The following LMNTD1 variants were observed in gnomAD, a reference collection of about 807,000 sequenced individuals.
LMNTD1 encodes lamin tail domain-containing protein 1.
A neutral mutation model predicts 50.9 loss-of-function variants in LMNTD1; 35 were observed. The observed-to-expected ratio is 0.69, with a 90% CI of 0.53 to 0.91. The LOEUF is 0.91. LMNTD1 is among the 40% of genes least tolerant of loss of function. The pLI, the probability that LMNTD1 is intolerant of heterozygous loss-of-function variation, is 0.00. For synonymous variants in LMNTD1, 153 were observed against 161.9 expected (o/e 0.94, Z 0.42); for missense variants, 470 against 475.5 (o/e 0.99, Z 0.11).
chr12:25,545,943 T>C (rs1943401294), intron 4 of LMNTD1, among the ~76,000 whole-genome samples: 2 of 151,688 alleles, frequency 1.3e-5, no homozygotes, highest in Admixed American at 1.3e-4. Context: ...ATATCAACTT[T>C]CTTCCTGATC....
At chr12:25,578,686 T>C (rs1179469604) in intron 1 of LMNTD1, among the ~76,000 whole-genome samples, 1 of 152,192 alleles carries the variant, frequency 6.6e-6, no homozygotes, top group East Asian at 1.9e-4. Context: ...TGAATTTTTA[T>C]GTGCAGCCTG....
chr12:25,483,267 T>C (rs1439506850), intron 9 of LMNTD1, among the ~76,000 whole-genome samples: 1 of 150,762 alleles, frequency 6.6e-6, no homozygotes, highest in Admixed American at 6.6e-5. Context: ...TCTAAAAAAA[T>C]ACAAAAATTA....
intron 9 of LMNTD1, among the ~76,000 whole-genome samples, chr12:25,495,415 T>A (rs933039165): frequency 6.6e-6 from 1 of 152,088 alleles, no homozygotes; most frequent in African/African-American, 2.4e-5. Context: ...ATGAATATTA[T>A]TAATGCTACT....
chr12:25,565,936 A>C (rs1944539723), intron 1 of LMNTD1, among the ~76,000 whole-genome samples: 1 of 152,124 alleles, frequency 6.6e-6, no homozygotes, highest in Non-Finnish European at 1.5e-5. Context: ...CCTGGCCTGT[A>C]ATGTTTCCAC....
At chr12:25,592,844 T>C (rs963138854) in intron 1 of LMNTD1, 3 of 152,248 alleles carry the variant, frequency 2.0e-5, no homozygotes. Context: ...GTTCGCCCAC[T>C]GCCTGAAAAC....
chr12:25,591,613 C>A (rs774471771), intron 1 of LMNTD1, among the ~76,000 whole-genome samples: 33 of 152,264 alleles, frequency 2.2e-4, no homozygotes, highest in South Asian at 4.1e-4. Flanking sequence ...AGGACACAGG[C>A]CTGGCTGGCC....
intron 1 of LMNTD1, among the ~76,000 whole-genome samples, chr12:25,591,721 C>T (rs986360994): frequency 6.6e-6 from 1 of 151,556 alleles, no homozygotes; most frequent in Admixed American, 6.6e-5. Flanking sequence ...CAGCTGTGTA[C>T]TGGCTTCAGG....
intron 6 of LMNTD1, among the ~76,000 whole-genome samples, chr12:25,520,992 C>T (rs184566904): frequency 1.4e-3 from 211 of 152,220 alleles, no homozygotes; most frequent in African/African-American, 4.9e-3. Context: ...TATCTGTTGG[C>T]CATTTTTTAA....
intron 1 of LMNTD1, among the ~76,000 whole-genome samples, chr12:25,612,174 T>C (rs1303480749): frequency 6.6e-6 from 1 of 152,038 alleles, no homozygotes; most frequent in East Asian, 1.9e-4. Context: ...GATAGCAAAA[T>C]TAAATTTTTT....
chr12:25,620,521 A>G (rs953435102), intron 1 of LMNTD1, among the ~76,000 whole-genome samples: 12 of 152,152 alleles, frequency 7.9e-5, no homozygotes, highest in African/African-American at 2.4e-4. Flanking sequence ...CTTTTCTTCA[A>G]CAAGATAGGA....
Position 25,535,580 on chromosome 12 carries a change from A to G in LMNTD1, c.492-8625T>C, listed in dbSNP as rs187753605. Among the ~76,000 whole-genome samples, 3 of 152,258 alleles carry G rather than the reference A, an allele frequency of 2.0e-5. No homozygotes were observed. In the East Asian group the frequency reaches 5.8e-4, roughly 29 times the overall value. The stretch of plus-strand genomic sequence containing the variant: ...CATCTTAAAAGCAGAATATTTGTGC[A>G]GAGGAGCAAATACAAAAATGAAAGA... On this transcript the variant is annotated intron_variant, in intron 4 of 9. Coordinates refer to ENST00000458174, the MANE Select transcript of LMNTD1 (RefSeq NM_001145728.2).
chr12:25,550,451 C>T (rs1240853781), intron 2 of LMNTD1, among the ~76,000 whole-genome samples: 1 of 152,156 alleles, frequency 6.6e-6, no homozygotes, highest in Non-Finnish European at 1.5e-5. Flanking sequence ...CAAAATCCTC[C>T]AATCCAAACC....
At chr12:25,501,979 G>A (rs959500681) in intron 9 of LMNTD1, among the ~76,000 whole-genome samples, 6 of 152,142 alleles carry the variant, frequency 3.9e-5, no homozygotes, top group African/African-American at 1.4e-4. Context: ...GGAGCTCTGA[G>A]AAAACAGAAG....
Position 25,498,537 on chromosome 12 carries a change from G to A in LMNTD1, c.*22+5201C>T, listed in dbSNP as rs190498610. Among the ~76,000 whole-genome samples the A allele has an allele frequency of 1.1e-4, 16 of 152,262 alleles. No individual in the cohort carries two copies. In the East Asian group the frequency reaches 2.7e-3, roughly 26 times the overall value. On this transcript the variant is annotated intron_variant, in intron 9 of 9. Coordinates refer to ENST00000458174, the MANE Select transcript of LMNTD1 (RefSeq NM_001145728.2). ...ATAATTCCTGACACATATGCTTTTG[G>A]AAAATGCATCTGTAGAAACTGTGGA...
intron 6 of LMNTD1, among the ~76,000 whole-genome samples, chr12:25,523,032 T>C (rs1941440560): frequency 6.6e-6 from 1 of 152,106 alleles, no homozygotes; most frequent in Admixed American, 6.6e-5. Flanking sequence ...TTTAAATTTG[T>C]TTTTATTTTT....
At chr12:25,497,274 C>T (rs967717409) in intron 9 of LMNTD1, among the ~76,000 whole-genome samples, 13 of 152,002 alleles carry the variant, frequency 8.6e-5, no homozygotes, top group Admixed American at 2.0e-4. Flanking sequence ...AGGATGAGAC[C>T]GGCCCCTCCT....
intron 1 of LMNTD1, among the ~76,000 whole-genome samples, chr12:25,565,649 CTG>C (rs1379108875): frequency 6.6e-6 from 1 of 152,074 alleles, no homozygotes; most frequent in Non-Finnish European, 1.5e-5. Context: ...TTATAATGTT[CTG>C]TGTTTTTCTG....
chr12:25,518,131 A>T (rs1258275240), intron 8 of LMNTD1, among the ~76,000 whole-genome samples: 1 of 152,194 alleles, frequency 6.6e-6, no homozygotes, highest in South Asian at 2.1e-4. Flanking sequence ...TTGCTGGTGT[A>T]CTAAACAGGC....
chr12:25,558,623 A>G (rs955822787), intron 1 of LMNTD1, among the ~76,000 whole-genome samples: 4 of 152,226 alleles, frequency 2.6e-5, no homozygotes, highest in Admixed American at 1.3e-4. Flanking sequence ...ATTTATAAAG[A>G]AAAGACGTTT....
Sources: allele counts gnomAD v4.1 joint callset (sites outside exome capture counted in the v4.1 genomes callset), GRCh38; gene constraint gnomAD v4.1.1; transcripts MANE v1.5; gene names NCBI Gene and HGNC (gene_info 2026-07-23, HGNC 2026-07-21).